THSD7B: variants seen among roughly 807,000 people sequenced by gnomAD.
The protein encoded by THSD7B is thrombospondin type-1 domain-containing protein 7B.
A neutral mutation model predicts 213.6 loss-of-function variants in THSD7B; 138 were observed. The ratio of observed to expected loss-of-function variants is 0.65; its 90% CI spans 0.56 to 0.74. The LOEUF is 0.74. Ranked by LOEUF, THSD7B falls within the 30% of genes least tolerant of loss-of-function variation. The pLI, the probability that THSD7B is intolerant of heterozygous loss-of-function variation, is 0.00. For synonymous variants in THSD7B, 742 were observed against 687.0 expected, an observed-to-expected ratio of 1.08 and a Z score of -1.25; for missense variants, 1,931 against 1,991.5, an observed-to-expected ratio of 0.97 and a Z score of 0.58.
At chr2:136,791,728 C>A (rs1427595) in intron 1 of THSD7B, among the ~76,000 whole-genome samples, 99,735 of 151,792 alleles carry the variant, frequency 0.66, 32,883 homozygotes, top group East Asian at 0.8. Flanking sequence ...ACCAGTATTT[C>A]TTTCTTTTTA....
rs1229440314 is a variant in THSD7B at position 137,676,414 on chromosome 2, A to ATCTT, written c.4740-108_4740-105dup. ...GGAACCCACACATCTAGAGAAATGA[A>ATCTT]TCTTTTTGTCATTTTACCGCTTAAA... is the stretch of plus-strand genomic sequence containing the variant. On this transcript the variant is annotated intron_variant, in intron 27 of 27. Transcript: ENST00000409968. The ATCTT allele has an allele frequency of 1.0e-4, 103 of 982,168 alleles. No homozygotes were observed. The South Asian group carries it at 1.3e-3, about 12-fold the overall frequency. The allele number at this position is 982,168 out of a possible 1,614,324, so 60.8% of individuals were successfully genotyped here.
intron 12 of THSD7B, among the ~76,000 whole-genome samples, chr2:137,334,423 T>A (rs893708943): frequency 6.6e-6 from 1 of 152,120 alleles, no homozygotes; most frequent in Non-Finnish European, 1.5e-5. Context: ...CCTTTATTTT[T>A]CTCCACACCC....
At chr2:137,468,607 T>C (rs1688036150) in intron 15 of THSD7B, among the ~76,000 whole-genome samples, 1 of 41,432 alleles carries the variant, frequency 2.4e-5, no homozygotes. Flanking sequence ...CAGAGGCAAA[T>C]AGATTTGTGT....
intron 2 of THSD7B, among the ~76,000 whole-genome samples, chr2:136,883,676 T>C (rs1487562071): frequency 2.0e-5 from 3 of 152,078 alleles, no homozygotes; most frequent in African/African-American, 4.8e-5. Flanking sequence ...GTTAAGAAAA[T>C]GGGGTTATTT....
At chr2:136,947,597 C>A (rs1293862596) in intron 2 of THSD7B, among the ~76,000 whole-genome samples, 1 of 152,118 alleles carries the variant, frequency 6.6e-6, no homozygotes, top group Non-Finnish European at 1.5e-5. Flanking sequence ...TTTGGTTTAT[C>A]TCTCTCTTCC....
intron 15 of THSD7B, among the ~76,000 whole-genome samples, chr2:137,534,015 C>CGT (rs1032147105): frequency 1.8e-4 from 23 of 131,210 alleles, no homozygotes; most frequent in East Asian, 1.1e-3. Flanking sequence ...TGTGTGTGTG[C>CGT]GCGCACACAC....
At chr2:137,286,883 G>A (rs1193495682) in intron 12 of THSD7B, among the ~76,000 whole-genome samples, 11 of 152,068 alleles carry the variant, frequency 7.2e-5, no homozygotes, top group Non-Finnish European at 1.5e-4. Flanking sequence ...ATTCTAAGAG[G>A]GCAAAGCCAT....
chr2:137,539,673 C>T (rs946679848), intron 15 of THSD7B, among the ~76,000 whole-genome samples: 8 of 151,530 alleles, frequency 5.3e-5, no homozygotes, highest in East Asian at 3.9e-4. Context: ...AATGATTTGT[C>T]GAGATGAATA....
chr2:137,155,530 C>G (rs778107960), intron 5 of THSD7B, among the ~76,000 whole-genome samples: 1 of 152,330 alleles, frequency 6.6e-6, no homozygotes, highest in Non-Finnish European at 1.5e-5. Context: ...GAACTGAAGA[C>G]TCAGTAGACA....
intron 15 of THSD7B, among the ~76,000 whole-genome samples, chr2:137,486,661 ACT>A (rs1688452526): frequency 1.3e-5 from 2 of 151,518 alleles, no homozygotes; most frequent in Middle Eastern, 3.4e-3. Context: ...CATCTACAGA[ACT>A]CTCCACCCCA....
rs191937325 is a variant in THSD7B at position 137,381,340 on chromosome 2, G to A, written c.2501-24273G>A. Among the ~76,000 whole-genome samples the A allele has an allele frequency of 4.7e-4, 72 of 152,306 alleles. 1 individual carries two copies. The East Asian group carries it at 9.7e-3, about 20-fold the overall frequency. On this transcript the variant is annotated intron_variant, in intron 12 of 27. Coordinates refer to ENST00000409968, the MANE Select transcript of THSD7B (RefSeq NM_001316349.2). ...GAGTTGGATGGGCATTTTTGACCAC[G>A]CTATGAGAAGTACACACCCAGTCCC...
At position 137,148,918 on chromosome 2, in the gene THSD7B, A is replaced by C. The variant is rs144497551; in HGVS notation, c.1370-11295A>C. On this transcript the variant is annotated intron_variant, in intron 5 of 27. Coordinates refer to ENST00000409968, the MANE Select transcript of THSD7B (RefSeq NM_001316349.2). Reference sequence around the variant, plus strand: ...AGAAATTTGCATAAATAACAATGAGACAAATGTTAGTCACCAAGACAATGG... The same window carrying C: ...AGAAATTTGCATAAATAACAATGAGCCAAATGTTAGTCACCAAGACAATGG... Among the ~76,000 whole-genome samples the C allele has an allele frequency of 1.6e-3, 239 of 152,320 alleles. 2 individuals are homozygous for C. The highest frequency in any genetic ancestry group is 5.2e-3 in the African/African-American group (218 of 41,576).
At chr2:137,059,911 G>C (rs955078459) in intron 3 of THSD7B, among the ~76,000 whole-genome samples, 2 of 152,118 alleles carry the variant, frequency 1.3e-5, no homozygotes, top group Non-Finnish European at 2.9e-5. Flanking sequence ...TTGCTGTATG[G>C]TATAGCAAGA....
At chr2:136,887,300 T>TGTGTGTGTG (rs113561158) in intron 2 of THSD7B, among the ~76,000 whole-genome samples, 1 of 148,464 alleles carries the variant, frequency 6.7e-6, no homozygotes, top group African/African-American at 2.5e-5. Context: ...TCCATATTTG[T>TGTGTGTGTG]TGTGTGTGTG....
intron 10 of THSD7B, among the ~76,000 whole-genome samples, chr2:137,250,849 T>C (rs1484655213): frequency 1.3e-5 from 2 of 152,176 alleles, no homozygotes; most frequent in African/African-American, 4.8e-5. Context: ...TCATCTCTAC[T>C]GCTTGCCCAA....
chr2:136,956,391 G>A (rs1685123797), intron 2 of THSD7B, among the ~76,000 whole-genome samples: 1 of 152,174 alleles, frequency 6.6e-6, no homozygotes, highest in Non-Finnish European at 1.5e-5. Context: ...GTCTTTGGAA[G>A]CCTTACAAGT....
intron 6 of THSD7B, among the ~76,000 whole-genome samples, chr2:137,161,184 G>A (rs1198820020): frequency 6.6e-6 from 1 of 152,002 alleles, no homozygotes; most frequent in Non-Finnish European, 1.5e-5. Context: ...GTTTTCTTTA[G>A]TTTGTAATCA....
At chr2:137,659,636 G>A in intron 24 of THSD7B, 28 bp from the exon 25 acceptor site, 1 of 1,564,936 alleles carries the variant, frequency 6.4e-7, no homozygotes, top group Non-Finnish European at 8.7e-7. Flanking sequence ...AGAGAAATCT[G>A]CAAATGATGG....
At chr2:136,852,529 C>G (rs1683115424) in intron 1 of THSD7B, among the ~76,000 whole-genome samples, 1 of 152,096 alleles carries the variant, frequency 6.6e-6, no homozygotes, top group Admixed American at 6.6e-5. Context: ...TTGAGCCACA[C>G]CAAACTGAGA....
Sources: allele counts gnomAD v4.1 joint callset (sites outside exome capture counted in the v4.1 genomes callset), GRCh38; gene constraint gnomAD v4.1.1; transcripts MANE v1.5; gene names NCBI Gene and HGNC (gene_info 2026-07-23, HGNC 2026-07-21).